The following MARCHF1 variants were observed in gnomAD, a reference collection of about 807,000 sequenced individuals.
MARCHF1 encodes membrane associated ring-CH-type finger 1.
A neutral mutation model predicts 54.2 loss-of-function variants in MARCHF1; 40 were observed. That is an observed-to-expected ratio of 0.74 (90% CI 0.57 to 0.96). The LOEUF is 0.96. Among genes scored for constraint, MARCHF1 ranks in the 40% least tolerant of loss-of-function variants. The pLI, the probability that MARCHF1 is intolerant of heterozygous loss-of-function variation, is 0.00. For synonymous variants in MARCHF1, 236 were observed against 236.3 expected (o/e 1.00, Z 0.01); for missense variants, 586 against 656.5 (o/e 0.89, Z 1.17).
chr4:163,925,815 T>C (rs9999100), intron 3 of MARCHF1, among the ~76,000 whole-genome samples: 24,723 of 151,414 alleles, frequency 0.16, 2,183 homozygotes, highest in East Asian at 0.26. Flanking sequence ...TCTTAAAATA[T>C]GTGGACAGAA....
At chr4:164,195,819 T>C (rs1731240032) in intron 1 of MARCHF1, among the ~76,000 whole-genome samples, 1 of 152,222 alleles carries the variant, frequency 6.6e-6, no homozygotes, top group South Asian at 2.1e-4. Context: ...AAATCATTTT[T>C]TGAGTCTTTA....
chr4:164,312,319 C>CTTTTTTTTTTTTTTTT (rs34613860), intron 1 of MARCHF1, among the ~76,000 whole-genome samples: 1 of 103,442 alleles, frequency 9.7e-6, no homozygotes, highest in Non-Finnish European at 1.9e-5. Context: ...TTTTCTTTTT[C>CTTTTTTTTTTTTTTTT]TTTTTTTTTT....
intron 2 of MARCHF1, among the ~76,000 whole-genome samples, chr4:164,079,026 C>T (rs1755037172): frequency 1.3e-5 from 2 of 152,132 alleles, no homozygotes; most frequent in African/African-American, 4.8e-5. Flanking sequence ...TATTACTTTA[C>T]TTTGCATTTT....
intron 4 of MARCHF1, among the ~76,000 whole-genome samples, chr4:163,799,674 A>T (rs1351144029): frequency 6.6e-6 from 1 of 152,056 alleles, no homozygotes; most frequent in South Asian, 2.1e-4. Context: ...AGTAACCATT[A>T]TTTTTTTCCT....
At chr4:163,780,829 G>A (rs553884272) in intron 4 of MARCHF1, among the ~76,000 whole-genome samples, 2 of 152,318 alleles carry the variant, frequency 1.3e-5, no homozygotes, top group East Asian at 3.9e-4. Context: ...TACGCCCACA[G>A]CAGTGTCCAT....
Position 164,290,518 on chromosome 4 carries a change from G to GA in MARCHF1, c.-323+93351dup, listed in dbSNP as rs1474886413. On this transcript the variant is annotated intron_variant, in intron 1 of 9. Coordinates refer to ENST00000514618, the MANE Select transcript of MARCHF1 (RefSeq NM_001394959.1). ...TGTCACTAAATGAGAATCATAAATG[G>GA]AAAAAAAGAGAAAAAAATTGTTTCA... 4.0e-5 allele frequency among the ~76,000 whole-genome samples: 6 copies of GA among 151,464 alleles called. 1 individual carries two copies. Among genetic ancestry groups the GA allele is most frequent in the Admixed American group, 3.3e-4 (5 of 15,178 alleles).
intron 2 of MARCHF1, among the ~76,000 whole-genome samples, chr4:163,999,613 C>T (rs1579450268): frequency 6.6e-6 from 1 of 151,154 alleles, no homozygotes; most frequent in Non-Finnish European, 1.5e-5. Flanking sequence ...TTAAAGGATG[C>T]AATTTTTCAT....
At chr4:163,663,849 A>G (rs1743434860) in intron 5 of MARCHF1, among the ~76,000 whole-genome samples, 1 of 152,080 alleles carries the variant, frequency 6.6e-6, no homozygotes, top group South Asian at 2.1e-4. Flanking sequence ...TTAGGCTTTA[A>G]TATTAGCCTC....
chr4:164,035,030 A>G (rs567257069), intron 2 of MARCHF1, among the ~76,000 whole-genome samples: 1 of 152,306 alleles, frequency 6.6e-6, no homozygotes, highest in South Asian at 2.1e-4. Context: ...ATCACATTAT[A>G]AAGGAGATAT....
chr4:164,295,390 A>T (rs1315357291), intron 1 of MARCHF1, among the ~76,000 whole-genome samples: 2 of 151,912 alleles, frequency 1.3e-5, no homozygotes, highest in Admixed American at 1.3e-4. Context: ...CTTACACTAA[A>T]GTGATACATT....
intron 9 of MARCHF1, among the ~76,000 whole-genome samples, chr4:163,544,039 A>G (rs1234634773): frequency 6.6e-6 from 1 of 152,190 alleles, no homozygotes; most frequent in Non-Finnish European, 1.5e-5. Context: ...GGAAAACACT[A>G]GAGTTCTAGG....
intron 1 of MARCHF1, among the ~76,000 whole-genome samples, chr4:164,331,469 A>G (rs989788393): frequency 3.3e-5 from 5 of 152,328 alleles, no homozygotes; most frequent in Admixed American, 1.3e-4. Context: ...AAATGTTGGC[A>G]CTTTAATTTT....
At chr4:164,249,082 AATAGTT>A (rs1432374498) in intron 1 of MARCHF1, among the ~76,000 whole-genome samples, 2 of 152,082 alleles carry the variant, frequency 1.3e-5, no homozygotes, top group African/African-American at 2.4e-5. Context: ...TTATTCAACA[AATAGTT>A]ATAAAGTTCT....
intron 2 of MARCHF1, among the ~76,000 whole-genome samples, chr4:164,057,763 G>A (rs1754527263): frequency 6.6e-6 from 1 of 152,124 alleles, no homozygotes; most frequent in South Asian, 2.1e-4. Flanking sequence ...TCATGTAAGA[G>A]GAAAATATAA....
At chr4:164,076,092 T>A (rs1436659952) in intron 2 of MARCHF1, among the ~76,000 whole-genome samples, 2 of 151,894 alleles carry the variant, frequency 1.3e-5, no homozygotes, top group African/African-American at 2.4e-5. Context: ...TGAAAAAAGA[T>A]AACTTTCATT....
At chr4:164,141,606 G>C (rs1756536868) in intron 1 of MARCHF1, among the ~76,000 whole-genome samples, 1 of 152,184 alleles carries the variant, frequency 6.6e-6, no homozygotes, top group Non-Finnish European at 1.5e-5. Flanking sequence ...TCGCAACATA[G>C]AGCCCATGAT....
intron 5 of MARCHF1, among the ~76,000 whole-genome samples, chr4:163,672,077 C>G (rs1218129087): frequency 6.6e-6 from 1 of 152,120 alleles, no homozygotes; most frequent in Non-Finnish European, 1.5e-5. Flanking sequence ...AGTGCAGGCT[C>G]AGGGGTCTGA....
intron 3 of MARCHF1, among the ~76,000 whole-genome samples, chr4:163,878,433 G>A (rs1750340975): frequency 6.6e-6 from 1 of 152,182 alleles, no homozygotes; most frequent in Admixed American, 6.5e-5. Context: ...GGGTTTTAGG[G>A]ATTCGAAAGA....
chr4:163,864,776 G>T (rs1266979937), intron 3 of MARCHF1, among the ~76,000 whole-genome samples: 1 of 151,858 alleles, frequency 6.6e-6, no homozygotes, highest in Non-Finnish European at 1.5e-5. Context: ...ATAACCTGTA[G>T]AAAAGTTTGT....
Sources: allele counts gnomAD v4.1 joint callset (sites outside exome capture counted in the v4.1 genomes callset), GRCh38; gene constraint gnomAD v4.1.1; transcripts MANE v1.5; gene names NCBI Gene and HGNC (gene_info 2026-07-23, HGNC 2026-07-21).